Variants in KANK1 observed in about 807,000 individuals in gnomAD.
KANK1 encodes KN motif and ankyrin repeat domain-containing protein 1.
A neutral mutation model predicts 106.2 loss-of-function variants in KANK1; 109 were observed. The observed-to-expected ratio is 1.03, with a 90% CI of 0.88 to 1.20. KANK1 has a LOEUF of 1.20. Ranked by LOEUF, KANK1 falls within the 50% of genes most tolerant of loss-of-function variation. The pLI is 0.00. For missense variants in KANK1, 2,399 were observed against 1,710.7 expected (o/e 1.40, Z -7.10); for synonymous variants, 873 against 652.2 (o/e 1.34, Z -5.16).
At chr9:569,920 A>G (rs1452342782) in intron 1 of KANK1, among the ~76,000 whole-genome samples, 1 of 152,070 alleles carries the variant, frequency 6.6e-6, no homozygotes, top group Non-Finnish European at 1.5e-5. Context: ...CAGATTCCGT[A>G]ACACTTGATA....
At chr9:503,681 G>A (rs1221989201), upstream of KANK1, among the ~76,000 whole-genome samples, 2 of 152,154 alleles carry the variant, frequency 1.3e-5, no homozygotes, top group Admixed American at 6.5e-5. Context: ...AGCTAACATT[G>A]TTTTTTGAGT....
intron 1 of KANK1, among the ~76,000 whole-genome samples, chr9:554,826 T>C (rs932698472): frequency 6.6e-6 from 1 of 152,192 alleles, no homozygotes; most frequent in African/African-American, 2.4e-5. Context: ...AAAGTCGATA[T>C]ACTAGAACGA....
chr9:687,769 A>T (rs538187485), intron 2 of KANK1, among the ~76,000 whole-genome samples: 2 of 152,092 alleles, frequency 1.3e-5, no homozygotes, highest in East Asian at 3.9e-4. Context: ...CCTCTTCTTT[A>T]TTCCTTTTAT....
At chr9:551,174 C>G (rs994948502) in intron 1 of KANK1, among the ~76,000 whole-genome samples, 4 of 151,680 alleles carry the variant, frequency 2.6e-5, no homozygotes, top group African/African-American at 9.7e-5. Context: ...CTCTCCCCCT[C>G]TGTTGCCTGG....
chr9:539,089 C>T (rs2133786218), intron 1 of KANK1, among the ~76,000 whole-genome samples: 1 of 152,214 alleles, frequency 6.6e-6, no homozygotes, highest in South Asian at 2.1e-4. Context: ...CCATGTTGGC[C>T]CAGCTGGTCT....
At chr9:687,873 C>G (rs552806675) in intron 2 of KANK1, among the ~76,000 whole-genome samples, 2 of 152,242 alleles carry the variant, frequency 1.3e-5, no homozygotes, top group South Asian at 4.1e-4. Flanking sequence ...ATCTTATAAA[C>G]TTGAGTGTTT....
intron 1 of KANK1, among the ~76,000 whole-genome samples, chr9:599,913 T>C (rs974084434): frequency 6.6e-6 from 1 of 151,860 alleles, no homozygotes; most frequent in Non-Finnish European, 1.5e-5. Context: ...TAGTGTGGTG[T>C]TGGTGTTTTA....
rs377401162 is a variant in KANK1 at position 522,429 on chromosome 9, C to T, written c.-84+17675C>T. Among the ~76,000 whole-genome samples the T allele has an allele frequency of 1.4e-4, 21 of 151,596 alleles. 1 individual carries two copies. The highest frequency in any genetic ancestry group is 1.4e-3 in the East Asian group (7 of 5,160). On this transcript the variant is annotated intron_variant, in intron 1 of 11. Transcript: ENST00000382297. Reference sequence around the variant, plus strand: ...CTAACGCTCCTTTCTGTGCTCACTCCGTCTCTTTCATGGTTTTCACAAGCA... The same window carrying T: ...CTAACGCTCCTTTCTGTGCTCACTCTGTCTCTTTCATGGTTTTCACAAGCA...
intron 2 of KANK1, among the ~76,000 whole-genome samples, chr9:684,807 C>T (rs1818237863): frequency 6.6e-6 from 1 of 152,106 alleles, no homozygotes; most frequent in South Asian, 2.1e-4. Flanking sequence ...CGCTTTGGCT[C>T]CTTTTCTATA....
chr9:732,163 C>A lies in KANK1; in HGVS notation c.3006-215C>A, dbSNP rs1832475037. On this transcript the variant is annotated intron_variant, in intron 5 of 11. Coordinates refer to ENST00000382297, the MANE Select transcript of KANK1 (RefSeq NM_015158.5). ...TTTCTTTAACAAGTGTTACATGATA[C>A]CAATTGGTTATATGATACCGATAAC... 6.3e-6 allele frequency: 3 copies of A among 474,080 alleles called. No individual in the cohort carries two copies. In the South Asian group the frequency reaches 1.0e-4, roughly 16 times the overall value. 29.4% of individuals were successfully genotyped at this position (474,080 alleles called of 1,614,324 possible).
At chr9:504,949 C>CG (rs2058674577) in intron 1 of KANK1, among the ~76,000 whole-genome samples, 195 bp downstream of exon 1, 1 of 150,272 alleles carries the variant, frequency 6.7e-6, no homozygotes, top group Non-Finnish European at 1.5e-5. Flanking sequence ...CCGGCGGCCT[C>CG]GGGGCGGTCC....
intron 1 of KANK1, among the ~76,000 whole-genome samples, chr9:517,526 A>G (rs2059337153): frequency 6.6e-6 from 1 of 151,642 alleles, no homozygotes; most frequent in Non-Finnish European, 1.5e-5. Flanking sequence ...TACTGTTAGG[A>G]TATTCATGGG....
At chr9:515,413 C>T (rs995380360) in intron 1 of KANK1, among the ~76,000 whole-genome samples, 1 of 147,140 alleles carries the variant, frequency 6.8e-6, no homozygotes, top group South Asian at 2.1e-4. Context: ...GTTCTTTAAC[C>T]ACTCTAGCTT....
chr9:485,514 G>C (rs1440158265), intron 3 of KANK1, among the ~76,000 whole-genome samples: 1 of 152,154 alleles, frequency 6.6e-6, no homozygotes, highest in Non-Finnish European at 1.5e-5. Context: ...GTCTGGGTCT[G>C]TTTGCAATAA....
At chr9:527,752 A>G (rs577493557) in intron 1 of KANK1, among the ~76,000 whole-genome samples, 1 of 141,884 alleles carries the variant, frequency 7.0e-6, no homozygotes, top group South Asian at 2.2e-4. Flanking sequence ...GTACAGTTCT[A>G]GTTTGAAAGT....
chr9:669,557 C>G (rs1050719052), intron 1 of KANK1, among the ~76,000 whole-genome samples: 8 of 152,100 alleles, frequency 5.3e-5, no homozygotes, highest in African/African-American at 1.9e-4. Context: ...ATTCCACTTC[C>G]TCCTGACTTA....
chr9:731,349 CG>C lies in KANK1; in HGVS notation c.3005+87del, dbSNP rs1832203520. On this transcript the variant is annotated intron_variant, in intron 5 of 11. Coordinates refer to ENST00000382297, the MANE Select transcript of KANK1 (RefSeq NM_015158.5). Reference sequence around the variant, plus strand: ...TAAGTCACATTTCAAGGCGCCTAGTCGGGGAAGCGGCCACAGCGCAGTGATG... The same window carrying C: ...TAAGTCACATTTCAAGGCGCCTAGTCGGGAAGCGGCCACAGCGCAGTGATG... 4 of 760,992 alleles carry C rather than the reference CG, an allele frequency of 5.3e-6. No individual in the cohort carries two copies. In the Admixed American group the frequency reaches 7.3e-5, roughly 14 times the overall value. 47.1% of individuals were successfully genotyped at this position (760,992 alleles called of 1,614,324 possible).
chr9:536,454 G>A lies in KANK1; in HGVS notation c.-84+31700G>A, dbSNP rs143246658. Among the ~76,000 whole-genome samples, 263 of 152,278 alleles carry A rather than the reference G, an allele frequency of 1.7e-3. 1 individual carries two copies. Among genetic ancestry groups the A allele is most frequent in the African/African-American group, 5.8e-3 (243 of 41,542 alleles). On this transcript the variant is annotated intron_variant, in intron 1 of 11. Coordinates refer to ENST00000382297, the MANE Select transcript of KANK1 (RefSeq NM_015158.5). Reference sequence around the variant, plus strand: ...GAAGTCAGCAGGACCAGTTCCTTCTGAAGGTTTTGGGGAGAATCTGTTTCC... The same window carrying A: ...GAAGTCAGCAGGACCAGTTCCTTCTAAAGGTTTTGGGGAGAATCTGTTTCC...
chr9:744,782 C>G, intron 11 of KANK1, 193 bp downstream of exon 11: 1 of 1,469,970 alleles, frequency 6.8e-7, no homozygotes, highest in Non-Finnish European at 9.0e-7. Flanking sequence ...TTAGCAGAGG[C>G]TGGACCTTGC....
Sources: gnomAD v4.1 joint callset for allele counts (sites outside exome capture counted in the v4.1 genomes callset) on GRCh38, gnomAD v4.1.1 for gene constraint, MANE v1.5 for transcripts, NCBI Gene and HGNC (gene_info 2026-07-23, HGNC 2026-07-21) for gene names.